Variants in PCDH15 observed in about 807,000 individuals in gnomAD.
The protein encoded by PCDH15 is protocadherin related 15.
PCDH15 carries 129 observed loss-of-function variants against 178.5 expected under a neutral mutation model. The observed-to-expected ratio is 0.72, with a 90% CI of 0.63 to 0.84. The LOEUF (loss-of-function observed/expected upper bound fraction) is 0.84. Ranked by LOEUF, PCDH15 falls within the 40% of genes least tolerant of loss-of-function variation. PCDH15 has a pLI of 0.00. For synonymous variants in PCDH15, 800 were observed against 732.0 expected (o/e 1.09, Z -1.50); for missense variants, 2,230 against 2,099.9 (o/e 1.06, Z -1.21).
At position 53,804,169 on chromosome 10, in the gene PCDH15, C is replaced by T. The variant is rs551910813; in HGVS notation, c.*2410G>A. 2.0e-5 allele frequency: 3 copies of T among 152,080 alleles called. No homozygotes were observed. The highest frequency in any genetic ancestry group is 2.1e-4 in the South Asian group (1 of 4,822). 9.4% of individuals were successfully genotyped at this position (152,080 alleles called of 1,614,324 possible). A position where few individuals can be genotyped will look rare whatever the true frequency, so the allele number is the denominator to read the frequency against. ...GTTGCTCTGTGTAAATTCTGCTTCT[C>T]TTTATACTATCTCCATTAAGTAACA... On this transcript the variant is annotated 3_prime_UTR_variant, in exon 38 of 38. Coordinates refer to ENST00000644397, the MANE Select transcript of PCDH15 (RefSeq NM_001384140.1).
intron 15 of PCDH15, among the ~76,000 whole-genome samples, chr10:54,113,477 G>A (rs1186041250): frequency 6.6e-6 from 1 of 152,076 alleles, no homozygotes; most frequent in Non-Finnish European, 1.5e-5. Context: ...GGCAATATCT[G>A]TAGTGTGAAG....
At chr10:54,462,476 C>CTTTCG (rs1554983511) in intron 3 of PCDH15, among the ~76,000 whole-genome samples, 1 of 123,908 alleles carries the variant, frequency 8.1e-6, no homozygotes, top group African/African-American at 3.5e-5. Flanking sequence ...TCCTTTCTTT[C>CTTTCG]TTTCTTTTCT....
chr10:54,923,836 T>C (rs1191142771), intron 2 of PCDH15, among the ~76,000 whole-genome samples: 2 of 138,066 alleles, frequency 1.4e-5, no homozygotes, highest in Non-Finnish European at 3.4e-5. Context: ...TTCAACAATG[T>C]CCTTCATCTT....
chr10:54,589,952 A>T (rs2091773011), intron 2 of PCDH15, among the ~76,000 whole-genome samples: 1 of 152,138 alleles, frequency 6.6e-6, no homozygotes, highest in African/African-American at 2.4e-5. Context: ...TGTGTATTGG[A>T]ATAATATATA....
intron 9 of PCDH15, among the ~76,000 whole-genome samples, chr10:54,225,272 C>T (rs1330751821): frequency 6.6e-6 from 1 of 152,088 alleles, no homozygotes; most frequent in East Asian, 1.9e-4. Flanking sequence ...TGAAAACCAC[C>T]TCTTCATGGT....
At chr10:53,965,065 T>G (rs1281241237) in intron 21 of PCDH15, among the ~76,000 whole-genome samples, 2 of 151,632 alleles carry the variant, frequency 1.3e-5, no homozygotes, top group South Asian at 4.2e-4. Context: ...CCTACATTTT[T>G]TTTTTTTTTT....
At chr10:55,141,026 T>A (rs994601801) in intron 2 of PCDH15, among the ~76,000 whole-genome samples, 13 of 152,034 alleles carry the variant, frequency 8.6e-5, no homozygotes, top group Non-Finnish European at 1.5e-4. Context: ...TTTCCTTTTT[T>A]AAATTGATTT....
chr10:54,968,553 T>A (rs1394259811), intron 2 of PCDH15, among the ~76,000 whole-genome samples: 1 of 152,180 alleles, frequency 6.6e-6, no homozygotes, highest in Non-Finnish European at 1.5e-5. Context: ...AGACTGCTTT[T>A]AAGTTTTAAC....
chr10:54,511,932 C>T (rs71492613), intron 3 of PCDH15, among the ~76,000 whole-genome samples: 1 of 151,606 alleles, frequency 6.6e-6, no homozygotes, highest in Admixed American at 6.6e-5. Context: ...TGGACACTAA[C>T]CAAACATTTA....
intron 1 of PCDH15, among the ~76,000 whole-genome samples, chr10:54,763,884 T>G (rs1312121638): frequency 6.6e-6 from 1 of 150,972 alleles, no homozygotes; most frequent in Non-Finnish European, 1.5e-5. Flanking sequence ...TATTTAGCCT[T>G]TTTCTAAGTT....
chr10:54,137,988 A>AC (rs1419960067), intron 14 of PCDH15, among the ~76,000 whole-genome samples: 1 of 151,950 alleles, frequency 6.6e-6, no homozygotes, highest in Non-Finnish European at 1.5e-5. Context: ...CACAGCAGCT[A>AC]CCCCCAACTA....
chr10:55,113,732 A>C (rs1393198957), intron 2 of PCDH15, among the ~76,000 whole-genome samples: 1 of 152,072 alleles, frequency 6.6e-6, no homozygotes, highest in Non-Finnish European at 1.5e-5. Context: ...CCCCATCTAG[A>C]GATTACCACA....
chr10:55,500,600 C>T (rs1840635924), intron 2 of PCDH15, among the ~76,000 whole-genome samples: 1 of 151,730 alleles, frequency 6.6e-6, no homozygotes, highest in Non-Finnish European at 1.5e-5. Context: ...TAACTAGCTC[C>T]CAAGTGATGA....
chr10:54,346,587 C>T (rs1943328645), intron 5 of PCDH15, 103 bp from the exon 6 acceptor site: 2 of 1,367,176 alleles, frequency 1.5e-6, no homozygotes, highest in South Asian at 1.2e-5. Context: ...AAGGAAGATA[C>T]CAGTTGGCAG....
intron 2 of PCDH15, among the ~76,000 whole-genome samples, chr10:55,010,112 G>A (rs1355553813): frequency 6.6e-6 from 1 of 151,982 alleles, no homozygotes; most frequent in Non-Finnish European, 1.5e-5. Flanking sequence ...ATAGCAATAA[G>A]GCTAGCAATG....
chr10:54,345,502 G>C (rs1340896652), intron 6 of PCDH15, among the ~76,000 whole-genome samples: 1 of 151,992 alleles, frequency 6.6e-6, no homozygotes, highest in African/African-American at 2.4e-5. Flanking sequence ...CAAAGAAAGT[G>C]GGGAGATGTG....
intron 21 of PCDH15, among the ~76,000 whole-genome samples, chr10:53,968,529 A>G (rs527530288): frequency 6.6e-6 from 1 of 152,266 alleles, no homozygotes; most frequent in South Asian, 2.1e-4. Context: ...AGAGTTTGAG[A>G]TCTAAGAACG....
intron 21 of PCDH15, among the ~76,000 whole-genome samples, chr10:53,982,726 C>T (rs7896066): frequency 0.083 from 12,435 of 150,344 alleles, 1,431 homozygotes; most frequent in African/African-American, 0.26. Flanking sequence ...TGCTAAATGA[C>T]GAGTTAATGG....
chr10:55,182,199 G>A (rs1366125982), intron 1 of PCDH15, among the ~76,000 whole-genome samples: 1 of 151,940 alleles, frequency 6.6e-6, no homozygotes, highest in East Asian at 1.9e-4. Flanking sequence ...ACTGTGCCAT[G>A]TTATTTTCTC....
Sources: gnomAD v4.1 joint callset for allele counts (sites outside exome capture counted in the v4.1 genomes callset) on GRCh38, gnomAD v4.1.1 for gene constraint, MANE v1.5 for transcripts, NCBI Gene and HGNC (gene_info 2026-07-23, HGNC 2026-07-21) for gene names.